LRRC7: variants seen among roughly 807,000 people sequenced by gnomAD.
LRRC7 encodes leucine rich repeat containing 7, also known as leucine-rich repeat-containing protein 7.
Under a neutral mutation model 175.7 loss-of-function variants are expected in LRRC7, and 23 were observed. That is an observed-to-expected ratio of 0.13 (90% CI 0.09 to 0.19). LRRC7 has a LOEUF of 0.19. Ranked by LOEUF, LRRC7 falls within the 10% of genes least tolerant of loss-of-function variation. The pLI is 1.00. For synonymous variants in LRRC7, 685 were observed against 680.9 expected (o/e 1.01, Z -0.09); for missense variants, 1,354 against 1,904.7 (o/e 0.71, Z 5.38).
At position 70,055,483 on chromosome 1, in the gene LRRC7, A is replaced by G. The variant is rs546929408; in HGVS notation, c.4230+2338A>G. Among the ~76,000 whole-genome samples, 20 of 152,274 alleles carry G rather than the reference A, an allele frequency of 1.3e-4. No homozygotes were observed. In the East Asian group the frequency reaches 3.7e-3, roughly 28 times the overall value. On this transcript the variant is annotated intron_variant, in intron 23 of 26. Transcript: ENST00000651989. ...AATGGAAACAATGGGTGGTGGAAAGATATGCTGTATTAGTCCATTCTCACA... is the reference window on the plus strand; with the variant it reads ...AATGGAAACAATGGGTGGTGGAAAGGTATGCTGTATTAGTCCATTCTCACA...
At chr1:69,700,041 T>C (rs1663143271) in intron 2 of LRRC7, among the ~76,000 whole-genome samples, 1 of 152,178 alleles carries the variant, frequency 6.6e-6, no homozygotes, top group Non-Finnish European at 1.5e-5. Context: ...TTTGGGGAGA[T>C]GTTCCTTCAC....
chr1:69,817,443 T>C (rs904470247), intron 4 of LRRC7, among the ~76,000 whole-genome samples: 5 of 152,074 alleles, frequency 3.3e-5, no homozygotes, highest in South Asian at 2.1e-4. Flanking sequence ...GATTGATATA[T>C]ATGTGGCTTT....
At chr1:69,843,887 G>C (rs1682020954) in intron 7 of LRRC7, among the ~76,000 whole-genome samples, 1 of 152,068 alleles carries the variant, frequency 6.6e-6, no homozygotes, top group African/African-American at 2.4e-5. Context: ...TTCTGAACCG[G>C]TTCTTTTGCT....
intron 7 of LRRC7, among the ~76,000 whole-genome samples, chr1:69,855,120 G>A (rs1162147703): frequency 6.6e-6 from 1 of 152,128 alleles, no homozygotes; most frequent in African/African-American, 2.4e-5. Context: ...GAGGGAAGGA[G>A]CAAAAATGAA....
At position 69,744,863 on chromosome 1, in the gene LRRC7, C is replaced by T. The variant is rs116089538; in HGVS notation, c.101-15328C>T. ...ATAAAAATACACTTCCCTAAAAATA[C>T]ACAACCAAATAAAAGATAACATAGT... On this transcript the variant is annotated intron_variant, in intron 2 of 26. Transcript: ENST00000651989. Among the ~76,000 whole-genome samples the T allele has an allele frequency of 6.2e-3, 946 of 151,924 alleles. 3 individuals carry two copies. Among genetic ancestry groups the T allele is most frequent in the African/African-American group, 0.022 (896 of 41,506 alleles).
intron 3 of LRRC7, among the ~76,000 whole-genome samples, chr1:69,771,735 T>C (rs1274604777): frequency 2.0e-5 from 3 of 152,176 alleles, no homozygotes; most frequent in Non-Finnish European, 4.4e-5. Context: ...AAATTTCTAT[T>C]CTCACAAAAT....
At chr1:69,909,993 C>T (rs1646469562) in intron 7 of LRRC7, among the ~76,000 whole-genome samples, 1 of 152,158 alleles carries the variant, frequency 6.6e-6, no homozygotes, top group Non-Finnish European at 1.5e-5. Flanking sequence ...TTTCTCTAAA[C>T]TTCCCTTCTT....
intron 7 of LRRC7, among the ~76,000 whole-genome samples, chr1:69,864,151 C>G (rs1035775760): frequency 7.2e-5 from 11 of 151,998 alleles, no homozygotes; most frequent in African/African-American, 2.4e-4. Context: ...CTTATGTGCT[C>G]TCTTAGAAAA....
In LRRC7 at chr1:70,139,340, C is replaced by CT. The variant is rs2102286139; in HGVS notation, c.*17454dup. 1 of 152,284 alleles carries CT rather than the reference C, an allele frequency of 6.6e-6. No individual in the cohort carries two copies. The highest frequency in any genetic ancestry group is 1.9e-4 in the East Asian group (1 of 5,188). 9.4% of individuals were successfully genotyped at this position (152,284 alleles called of 1,614,324 possible). On this transcript the variant is annotated 3_prime_UTR_variant, in exon 27 of 27. Transcript: ENST00000651989. ...TTGTCAAAGGCTTCAGTAATGAACT[C>CT]TAACAAATAGATCCAGAAGTCATAA...
At chr1:69,783,932 T>C (rs909195899) in intron 3 of LRRC7, among the ~76,000 whole-genome samples, 1 of 152,106 alleles carries the variant, frequency 6.6e-6, no homozygotes, top group African/African-American at 2.4e-5. Flanking sequence ...GTATGTGCAC[T>C]AGCAGATGTA....
intron 3 of LRRC7, among the ~76,000 whole-genome samples, chr1:69,770,926 G>A (rs1409007481): frequency 2.0e-5 from 3 of 152,154 alleles, no homozygotes; most frequent in Non-Finnish European, 4.4e-5. Flanking sequence ...AGATTCACCT[G>A]ACGTAAGTCA....
At chr1:69,973,086 A>T (rs6695807) in intron 8 of LRRC7, among the ~76,000 whole-genome samples, 19,295 of 146,976 alleles carry the variant, frequency 0.13, 1,538 homozygotes, top group South Asian at 0.18. Context: ...TATATATATA[A>T]AAAAATACTA....
At chr1:69,956,652 GA>G (rs1349755353) in intron 8 of LRRC7, among the ~76,000 whole-genome samples, 1 of 151,424 alleles carries the variant, frequency 6.6e-6, no homozygotes, top group Non-Finnish European at 1.5e-5. Flanking sequence ...ATTCTAACCT[GA>G]TACCTAATTG....
At chr1:69,709,530 T>G (rs967985678) in intron 2 of LRRC7, among the ~76,000 whole-genome samples, 4 of 152,210 alleles carry the variant, frequency 2.6e-5, no homozygotes, top group Non-Finnish European at 5.9e-5. Context: ...AAGAGTCTTC[T>G]CTAGCTCCAT....
chr1:69,773,375 A>G (rs1369514999), intron 3 of LRRC7, among the ~76,000 whole-genome samples: 1 of 152,184 alleles, frequency 6.6e-6, no homozygotes, highest in Non-Finnish European at 1.5e-5. Context: ...CTTGAGGGAC[A>G]TGATAGACAC....
chr1:70,061,148 T>C (rs1453643096), intron 23 of LRRC7, among the ~76,000 whole-genome samples: 4 of 152,158 alleles, frequency 2.6e-5, no homozygotes, highest in Non-Finnish European at 5.9e-5. Flanking sequence ...TGGTTCTCTT[T>C]CCCAAGCCTC....
At chr1:69,743,449 G>T (rs1049866206) in intron 2 of LRRC7, among the ~76,000 whole-genome samples, 18 of 152,002 alleles carry the variant, frequency 1.2e-4, no homozygotes, top group African/African-American at 4.3e-4. Flanking sequence ...TGTGTGTTGG[G>T]CAGGAAGAAG....
rs370296215 is a variant in LRRC7, at chr1:70,114,788, C to T, written c.4620+6962C>T. Among the ~76,000 whole-genome samples, 25 of 152,082 alleles carry T rather than the reference C, an allele frequency of 1.6e-4. 1 individual carries two copies. Among genetic ancestry groups the T allele is most frequent in the Middle Eastern group, 3.4e-3 (1 of 294 alleles). ...ATATACAAAGTTCTTGCACAGAAAA[C>T]CAATAAAAATGTTGAGGAAATGCTT... On this transcript the variant is annotated intron_variant, in intron 26 of 26. Coordinates refer to ENST00000651989, the MANE Select transcript of LRRC7 (RefSeq NM_001370785.2).
At chr1:70,118,479 G>A (rs1666006982) in intron 26 of LRRC7, among the ~76,000 whole-genome samples, 1 of 152,136 alleles carries the variant, frequency 6.6e-6, no homozygotes, top group Non-Finnish European at 1.5e-5. Flanking sequence ...GGCAACCACT[G>A]TAAAGAGCAG....
Sources: allele counts gnomAD v4.1 joint callset (sites outside exome capture counted in the v4.1 genomes callset), GRCh38; gene constraint gnomAD v4.1.1; transcripts MANE v1.5; gene names NCBI Gene and HGNC (gene_info 2026-07-23, HGNC 2026-07-21).